ITPRID1: variants seen among roughly 807,000 people sequenced by gnomAD.
The protein encoded by ITPRID1 is ITPR interacting domain containing 1, also known as protein ITPRID1.
ITPRID1 carries 96 observed loss-of-function variants against 95.4 expected under a neutral mutation model. The observed-to-expected ratio is 1.01, with a 90% CI of 0.85 to 1.19. The LOEUF (loss-of-function observed/expected upper bound fraction) is 1.19. ITPRID1 is among the 50% of genes most tolerant of loss of function. The probability of loss-of-function intolerance (pLI) is 0.00; values close to 1 mark genes in which losing one functional copy is unlikely to be tolerated. For missense variants in ITPRID1, 1,339 were observed against 1,252.9 expected (o/e 1.07, Z -1.04); for synonymous variants, 510 against 453.6 (o/e 1.12, Z -1.58).
intron 1 of ITPRID1, among the ~76,000 whole-genome samples, chr7:31,514,809 T>C (rs1197373594): frequency 6.6e-6 from 1 of 152,068 alleles, no homozygotes; most frequent in African/African-American, 2.4e-5. Context: ...TGCACATATA[T>C]ATACACAAAT....
intron 10 of ITPRID1, among the ~76,000 whole-genome samples, chr7:31,631,211 T>G (rs60474777): frequency 0.12 from 18,294 of 152,174 alleles, 1,256 homozygotes; most frequent in Middle Eastern, 0.17. Context: ...ACCTATCAAT[T>G]GTTTTTTACA....
Position 31,588,631 on chromosome 7 carries a change from C to CAAAAA in ITPRID1, c.1228+5447_1228+5451dup, listed in dbSNP as rs57245935. On this transcript the variant is annotated intron_variant, in intron 10 of 14. Transcript: ENST00000615280. ...TGGGCAACAGAGTGATACTCTGTCT[C>CAAAAA]AAAAAAAAAAATTAGAAGTCTTATG... Among the ~76,000 whole-genome samples the CAAAAA allele has an allele frequency of 7.5e-3, 318 of 42,570 alleles. 16 individuals are homozygous for CAAAAA. The highest frequency in any genetic ancestry group is 0.028 in the African/African-American group (294 of 10,576). The allele number at this position is 42,570 out of a possible 152,430, so 27.9% of individuals were successfully genotyped here.
At chr7:31,636,328 T>A (rs755009534) in intron 10 of ITPRID1, among the ~76,000 whole-genome samples, 63 of 152,224 alleles carry the variant, frequency 4.1e-4, no homozygotes, top group Non-Finnish European at 7.8e-4. Context: ...TGTGCTAGTG[T>A]TCTAACGTAT....
At chr7:31,595,366 A>ACACG (rs1445963662) in intron 10 of ITPRID1, among the ~76,000 whole-genome samples, 1 of 151,576 alleles carries the variant, frequency 6.6e-6, no homozygotes, top group Non-Finnish European at 1.5e-5. Context: ...ACACACACAC[A>ACACG]CACACACTGT....
At chr7:31,637,835 G>T (rs557750831) in intron 10 of ITPRID1, among the ~76,000 whole-genome samples, 2 of 152,206 alleles carry the variant, frequency 1.3e-5, no homozygotes, top group Admixed American at 1.3e-4. Flanking sequence ...GAACAGTATT[G>T]CCTAGGTTTT....
Position 31,569,680 on chromosome 7 carries a change from G to A in ITPRID1, c.257-78G>A. 5.0e-6 allele frequency: 6 copies of A among 1,211,806 alleles called. No homozygotes were observed. In the South Asian group the frequency reaches 6.8e-5, roughly 14 times the overall value. The allele number at this position is 1,211,806 out of a possible 1,614,324, so 75.1% of individuals were successfully genotyped here. A position where few individuals can be genotyped will look rare whatever the true frequency, so the allele number is the denominator to read the frequency against. On this transcript the variant is annotated intron_variant, in intron 5 of 14. Coordinates refer to ENST00000615280, the MANE Select transcript of ITPRID1 (RefSeq NM_001257967.3). The stretch of plus-strand genomic sequence containing the variant: ...GGATATGGAAATTCAATTCTACCTT[G>A]GTTTCATTTGGGGTTGAGAAAATCT...
chr7:31,653,942 G>T lies in ITPRID1; in HGVS notation c.*1113G>T, dbSNP rs1254730654. On this transcript the variant is annotated 3_prime_UTR_variant, in exon 15 of 15. Transcript: ENST00000615280. ...GACTGTCCAGTCAGGCAGCCAGTGG[G>T]AGTACTGATGAAACACCTACTGTGT... 1.3e-5 allele frequency among the ~76,000 whole-genome samples: 2 copies of T among 151,990 alleles called. No homozygotes were observed. The highest frequency in any genetic ancestry group is 3.9e-4 in the East Asian group (2 of 5,172).
At chr7:31,582,883 T>G (rs1213736414) in intron 9 of ITPRID1, among the ~76,000 whole-genome samples, 2 of 152,150 alleles carry the variant, frequency 1.3e-5, no homozygotes, top group Admixed American at 6.5e-5. Context: ...GTAAATTTCT[T>G]TCAAATGCAC....
chr7:31,631,486 T>A (rs79357856), intron 10 of ITPRID1, among the ~76,000 whole-genome samples: 2,064 of 152,350 alleles, frequency 0.014, 54 homozygotes, highest in African/African-American at 0.047. Flanking sequence ...ATCTTTATTT[T>A]TTATTTATGA....
chr7:31,553,152 A>G lies in ITPRID1; in HGVS notation c.128A>G (p.Glu43Gly). The G allele has an allele frequency of 1.3e-6, 2 of 1,589,602 alleles. No individual in the cohort carries two copies. The highest frequency in any genetic ancestry group is 1.1e-5 in the South Asian group (1 of 87,386). ...PLDEWLPPDP[E>G]EESQSLTIPM... ...GATGAGTGGCTGCCCCCTGACCCTG[A>G]GGAGGAAAGCCAGAGTCTCACCATC... Residue 43 changes from glutamate to glycine, a missense_variant, in exon 3 of 15, where the codon GAG (glutamate) becomes GGG (glycine). By Grantham distance (98) the Glu-to-Gly change is moderately conservative. Coordinates refer to ENST00000615280, the MANE Select transcript of ITPRID1 (RefSeq NM_001257967.3).
At chr7:31,621,650 T>A (rs1490986898) in intron 10 of ITPRID1, among the ~76,000 whole-genome samples, 2 of 146,964 alleles carry the variant, frequency 1.4e-5, no homozygotes, top group African/African-American at 5.1e-5. Flanking sequence ...CACTGCAAAA[T>A]CATGCCAAAA....
chr7:31,620,331 CCTGAGCA>C (rs1473475000), intron 10 of ITPRID1, among the ~76,000 whole-genome samples: 2 of 151,988 alleles, frequency 1.3e-5, no homozygotes, highest in Non-Finnish European at 2.9e-5. Context: ...ACCCCTGACC[CCTGAGCA>C]GCCTAACTGG....
intron 8 of ITPRID1, among the ~76,000 whole-genome samples, chr7:31,576,707 G>T (rs538525814): frequency 2.0e-5 from 3 of 152,236 alleles, no homozygotes; most frequent in African/African-American, 7.2e-5. Context: ...GAAAAAGGTA[G>T]GCACTGGCTC....
At chr7:31,551,811 T>C in intron 2 of ITPRID1, 1 of 346,152 alleles carries the variant, frequency 2.9e-6, no homozygotes, top group South Asian at 2.2e-5. Flanking sequence ...GATTATGCAT[T>C]AAGTTTAGGG....
intron 5 of ITPRID1, among the ~76,000 whole-genome samples, chr7:31,565,339 C>T (rs944295237): frequency 6.6e-6 from 1 of 152,164 alleles, no homozygotes; most frequent in Non-Finnish European, 1.5e-5. Flanking sequence ...GTTTTCCTTG[C>T]CTTGGTTTTC....
At chr7:31,637,957 C>T (rs1789649167) in intron 10 of ITPRID1, among the ~76,000 whole-genome samples, 1 of 152,110 alleles carries the variant, frequency 6.6e-6, no homozygotes, top group African/African-American at 2.4e-5. Flanking sequence ...CTACAGATGG[C>T]TAGCCAGTTT....
chr7:31,594,638 C>A (rs142508159), intron 10 of ITPRID1, among the ~76,000 whole-genome samples: 4 of 152,200 alleles, frequency 2.6e-5, no homozygotes, highest in African/African-American at 9.6e-5. Context: ...TGGTGGATCA[C>A]CTGAGGTCAG....
intron 1 of ITPRID1, chr7:31,518,111 G>C (rs12701107): frequency 0.17 from 26,594 of 152,532 alleles, 2,879 homozygotes; most frequent in Middle Eastern, 0.25. Flanking sequence ...GTCAGGGTCA[G>C]AGGAGGAGCC....
rs1562604018 is a variant in ITPRID1, at chr7:31,606,675, T to C, written c.1228+23484T>C. On this transcript the variant is annotated intron_variant, in intron 10 of 14. Coordinates refer to ENST00000615280, the MANE Select transcript of ITPRID1 (RefSeq NM_001257967.3). ...TTAGACTATTTCTTTCAAATATCAA[T>C]ATCAAATATTATATCAACTGGAGTT... 2.0e-5 allele frequency among the ~76,000 whole-genome samples: 3 copies of C among 152,132 alleles called. No homozygotes were observed. In the South Asian group the frequency reaches 6.2e-4, roughly 31 times the overall value.
Sources: allele counts gnomAD v4.1 joint callset (sites outside exome capture counted in the v4.1 genomes callset), GRCh38; gene constraint gnomAD v4.1.1; transcripts MANE v1.5; gene names NCBI Gene and HGNC (gene_info 2026-07-23, HGNC 2026-07-21).